Variants in GRIA4 observed in about 807,000 individuals in gnomAD.
GRIA4 encodes glutamate receptor 4.
A neutral mutation model predicts 104.0 loss-of-function variants in GRIA4; 34 were observed. That is an observed-to-expected ratio of 0.33 (90% CI 0.25 to 0.44). The LOEUF is 0.44. Ranked by LOEUF, GRIA4 falls within the 20% of genes least tolerant of loss-of-function variation. The pLI is 1.00. For synonymous variants in GRIA4, 386 were observed against 381.9 expected (o/e 1.01, Z -0.13); for missense variants, 750 against 1,096.5 (o/e 0.68, Z 4.46).
At chr11:105,636,704 A>G (rs990486032) in intron 3 of GRIA4, among the ~76,000 whole-genome samples, 1 of 152,162 alleles carries the variant, frequency 6.6e-6, no homozygotes, top group Admixed American at 6.5e-5. Flanking sequence ...TATGCTTTGG[A>G]AAAAAAGGAT....
chr11:105,908,486 C>T (rs1947120237), intron 9 of GRIA4, among the ~76,000 whole-genome samples: 2 of 151,878 alleles, frequency 1.3e-5, no homozygotes, highest in Admixed American at 1.3e-4. Flanking sequence ...AGGAACTGAC[C>T]CCTCATGTGG....
At chr11:105,865,263 A>G (rs570067953) in intron 5 of GRIA4, among the ~76,000 whole-genome samples, 1 of 152,352 alleles carries the variant, frequency 6.6e-6, no homozygotes, top group East Asian at 1.9e-4. Flanking sequence ...GAGAGTAGAA[A>G]CATATTGAAA....
chr11:105,612,604 GT>G (rs1395060670), intron 3 of GRIA4, 170 bp downstream of exon 3: 11 of 377,692 alleles, frequency 2.9e-5, no homozygotes, highest in Non-Finnish European at 4.7e-5. Flanking sequence ...GGGATATTTA[GT>G]TGTTTTTTTT....
At chr11:105,914,873 C>G (rs188821728) in intron 10 of GRIA4, among the ~76,000 whole-genome samples, 2 of 152,246 alleles carry the variant, frequency 1.3e-5, no homozygotes, top group East Asian at 3.9e-4. Flanking sequence ...AGATACCCCA[C>G]AAATCCTCCT....
At chr11:105,930,512 T>C (rs995829601) in intron 13 of GRIA4, among the ~76,000 whole-genome samples, 4 of 152,272 alleles carry the variant, frequency 2.6e-5, no homozygotes, top group African/African-American at 4.8e-5. Context: ...CATAATTCAA[T>C]GTATTTAAAC....
intron 4 of GRIA4, among the ~76,000 whole-genome samples, chr11:105,770,521 A>G (rs931941726): frequency 6.6e-6 from 1 of 152,080 alleles, no homozygotes; most frequent in African/African-American, 2.4e-5. Flanking sequence ...GCATTTCAAT[A>G]TATGGTTTAA....
intron 6 of GRIA4, among the ~76,000 whole-genome samples, chr11:105,888,006 A>C (rs537226097): frequency 6.6e-6 from 1 of 152,280 alleles, no homozygotes; most frequent in South Asian, 2.1e-4. Flanking sequence ...CAAATTTTTA[A>C]AAATTATGTC....
intron 3 of GRIA4, among the ~76,000 whole-genome samples, chr11:105,694,853 T>G (rs1025236759): frequency 6.6e-6 from 1 of 152,190 alleles, no homozygotes; most frequent in African/African-American, 2.4e-5. Context: ...ACATTTCAAG[T>G]GGCTGCCATA....
At chr11:105,852,410 C>A (rs566731251) in intron 4 of GRIA4, among the ~76,000 whole-genome samples, 1 of 152,190 alleles carries the variant, frequency 6.6e-6, no homozygotes, top group South Asian at 2.1e-4. Flanking sequence ...CTAATAAAAT[C>A]CTACATTAAT....
chr11:105,916,604 T>C (rs1311073807), intron 10 of GRIA4, among the ~76,000 whole-genome samples: 1 of 152,192 alleles, frequency 6.6e-6, no homozygotes, highest in Non-Finnish European at 1.5e-5. Context: ...TTTGATTAAA[T>C]AACAAATATG....
intron 4 of GRIA4, among the ~76,000 whole-genome samples, chr11:105,760,593 AG>A (rs1940574342): frequency 6.6e-6 from 1 of 152,130 alleles, no homozygotes. Flanking sequence ...TTTCTGGATG[AG>A]TTTGCATAAT....
intron 13 of GRIA4, 41 bp from the exon 14 acceptor site, chr11:105,933,681 C>T (rs543895022): frequency 7.1e-7 from 1 of 1,417,872 alleles, no homozygotes; most frequent in African/African-American, 1.4e-5. Flanking sequence ...ACATGTTGTT[C>T]CCTTCTTTCC....
intron 3 of GRIA4, among the ~76,000 whole-genome samples, chr11:105,662,522 G>T (rs566173492): frequency 6.6e-6 from 1 of 151,812 alleles, no homozygotes; most frequent in Non-Finnish European, 1.5e-5. Context: ...GAGAGTTCAA[G>T]TTAGAGACGA....
intron 3 of GRIA4, among the ~76,000 whole-genome samples, chr11:105,615,222 G>C (rs1211768033): frequency 6.6e-6 from 1 of 151,644 alleles, no homozygotes; most frequent in Non-Finnish European, 1.5e-5. Context: ...AGTTATCTAG[G>C]GTACAGCTTA....
intron 13 of GRIA4, among the ~76,000 whole-genome samples, chr11:105,930,572 A>C (rs1345826568): frequency 1.4e-5 from 2 of 145,068 alleles, no homozygotes; most frequent in Non-Finnish European, 3.1e-5. Context: ...TGGACTATTA[A>C]AAAGTAAAAG....
intron 3 of GRIA4, among the ~76,000 whole-genome samples, chr11:105,650,134 A>G (rs1456423418): frequency 6.6e-6 from 1 of 152,210 alleles, no homozygotes; most frequent in Non-Finnish European, 1.5e-5. Flanking sequence ...GGAATAATTA[A>G]ATGATGTTTC....
At chr11:105,661,820 A>C (rs1476348161) in intron 3 of GRIA4, among the ~76,000 whole-genome samples, 1 of 151,820 alleles carries the variant, frequency 6.6e-6, no homozygotes, top group East Asian at 1.9e-4. Context: ...CTAGAGAAAG[A>C]TAGGCAAGAG....
intron 4 of GRIA4, among the ~76,000 whole-genome samples, chr11:105,861,755 T>C: frequency 6.6e-6 from 1 of 152,200 alleles, no homozygotes; most frequent in East Asian, 1.9e-4. Context: ...CAAAAAAATG[T>C]CTACAGCAAT....
intron 3 of GRIA4, among the ~76,000 whole-genome samples, chr11:105,726,013 C>T (rs1221775140): frequency 6.6e-6 from 1 of 151,868 alleles, no homozygotes; most frequent in Non-Finnish European, 1.5e-5. Flanking sequence ...TTTTTCATAC[C>T]CCAGTGGCAC....
Sources: gnomAD v4.1 joint callset for allele counts (sites outside exome capture counted in the v4.1 genomes callset) on GRCh38, gnomAD v4.1.1 for gene constraint, MANE v1.5 for transcripts, NCBI Gene and HGNC (gene_info 2026-07-23, HGNC 2026-07-21) for gene names.